HOMER2: variants seen among roughly 807,000 people sequenced by gnomAD.
HOMER2 encodes homer scaffold protein 2.
A neutral mutation model predicts 47.0 loss-of-function variants in HOMER2; 27 were observed. The ratio of observed to expected loss-of-function variants is 0.57; its 90% CI spans 0.42 to 0.79. The LOEUF (loss-of-function observed/expected upper bound fraction) is 0.79, where lower values mean the gene tolerates loss of function less well. Ranked by LOEUF, HOMER2 falls within the 30% of genes least tolerant of loss-of-function variation. HOMER2 has a pLI of 0.00. For synonymous variants in HOMER2, 161 were observed against 163.8 expected (o/e 0.98, Z 0.13); for missense variants, 443 against 435.0 (o/e 1.02, Z -0.16).
At chr15:82,899,172 T>C (rs748631764) in intron 1 of HOMER2, among the ~76,000 whole-genome samples, 15 of 152,262 alleles carry the variant, frequency 9.9e-5, no homozygotes, top group Non-Finnish European at 1.9e-4. Flanking sequence ...GAAGGGCTTC[T>C]GCTGCTTTCC....
At position 82,913,930 on chromosome 15, in the gene HOMER2, G is replaced by A. The variant is rs914225575; in HGVS notation, c.6-21089C>T. Among the ~76,000 whole-genome samples, 11 of 152,062 alleles carry A rather than the reference G, an allele frequency of 7.2e-5. No homozygotes were observed. The highest frequency in any genetic ancestry group is 1.6e-4 in the Non-Finnish European group (11 of 68,024). ...CCCAAACAGCTACTTGTATGCCCAG[G>A]TTCAAAGCAGCATTATTCACAACAG... On this transcript the variant is annotated intron_variant, in intron 1 of 8. Transcript: ENST00000450735. The surrounding 1 kb of genome is among the most constrained non-coding windows in gnomAD (Gnocchi z 4.1).
chr15:82,908,747 T>A (rs4842916), intron 1 of HOMER2, among the ~76,000 whole-genome samples: 85,798 of 148,496 alleles, frequency 0.58, 25,103 homozygotes, highest in East Asian at 0.79. Flanking sequence ...GCTTTTTTTT[T>A]AAAAAAAAAA....
chr15:82,865,786 TG>T (rs2062236536), intron 3 of HOMER2, among the ~76,000 whole-genome samples: 1 of 152,208 alleles, frequency 6.6e-6, no homozygotes, highest in Non-Finnish European at 1.5e-5. Flanking sequence ...CCCAAAGCCT[TG>T]GCAGCTTCCA....
At chr15:82,851,322 A>G (rs2051387593) in intron 7 of HOMER2, 91 bp from the exon 8 acceptor site, 11 of 854,394 alleles carry the variant, frequency 1.3e-5, no homozygotes, top group Non-Finnish European at 1.9e-5. Flanking sequence ...TCGTGGAAGC[A>G]GCTTTGGGAC....
intron 5 of HOMER2, among the ~76,000 whole-genome samples, chr15:82,855,093 T>C (rs1029171118): frequency 1.6e-4 from 24 of 151,888 alleles, no homozygotes; most frequent in African/African-American, 5.6e-4. Context: ...TCCTAACACT[T>C]TGGGAGGCCG....
chr15:82,948,170 T>C (rs1389032555), intron 1 of HOMER2, among the ~76,000 whole-genome samples: 1 of 151,784 alleles, frequency 6.6e-6, no homozygotes, highest in Non-Finnish European at 1.5e-5. Flanking sequence ...GGCAGGCGAA[T>C]CATGAGGTCA....
At chr15:82,858,308 A>C (rs563316983) in intron 5 of HOMER2, among the ~76,000 whole-genome samples, 2 of 150,354 alleles carry the variant, frequency 1.3e-5, no homozygotes, top group African/African-American at 4.9e-5. Flanking sequence ...CTTTTTTTTG[A>C]GACAAGAGTC....
At chr15:82,850,822 G>A (rs1487909279) in intron 8 of HOMER2, among the ~76,000 whole-genome samples, 1 of 152,170 alleles carries the variant, frequency 6.6e-6, no homozygotes, top group South Asian at 2.1e-4. Flanking sequence ...GGCTGAAGTG[G>A]CCCCACACCC....
chr15:82,917,938 T>C (rs576406318), intron 1 of HOMER2, among the ~76,000 whole-genome samples: 14 of 152,134 alleles, frequency 9.2e-5, no homozygotes, highest in African/African-American at 2.2e-4. Flanking sequence ...CAAATCCTTA[T>C]AGTTTAGGGG....
At chr15:82,934,109 G>C (rs1460986909) in intron 1 of HOMER2, among the ~76,000 whole-genome samples, 1 of 152,052 alleles carries the variant, frequency 6.6e-6, no homozygotes, top group Non-Finnish European at 1.5e-5. Context: ...GAGTCCCTGA[G>C]AGCAACACTC....
chr15:82,854,932 G>T, intron 5 of HOMER2, 132 bp from the exon 6 acceptor site: 2 of 1,051,752 alleles, frequency 1.9e-6, no homozygotes, highest in Non-Finnish European at 1.4e-6. Context: ...ACAGTAAGCT[G>T]GCAGGTGGGT....
intron 3 of HOMER2, among the ~76,000 whole-genome samples, chr15:82,864,969 C>T (rs1201879779): frequency 6.6e-6 from 1 of 152,210 alleles, no homozygotes. Context: ...CAAAAACTAG[C>T]AAGTTGCAAG....
At chr15:82,870,034 T>A (rs2052125896) in intron 3 of HOMER2, among the ~76,000 whole-genome samples, 1 of 152,240 alleles carries the variant, frequency 6.6e-6, no homozygotes, top group Non-Finnish European at 1.5e-5. Flanking sequence ...TTGGTACTTA[T>A]TAAAATTGTG....
intron 1 of HOMER2, among the ~76,000 whole-genome samples, chr15:82,972,250 A>C (rs926733386): frequency 6.6e-6 from 1 of 152,144 alleles, no homozygotes; most frequent in African/African-American, 2.4e-5. Context: ...TCTCTATCAG[A>C]GCTTCTTTTT....
chr15:82,873,157 G>T (rs958839748), intron 3 of HOMER2, among the ~76,000 whole-genome samples: 1 of 152,056 alleles, frequency 6.6e-6, no homozygotes, highest in Non-Finnish European at 1.5e-5. Flanking sequence ...CCTGACTCCC[G>T]GCCCTGCTGA....
intron 1 of HOMER2, among the ~76,000 whole-genome samples, chr15:82,951,766 C>T (rs1489364154): frequency 6.6e-6 from 1 of 152,246 alleles, no homozygotes; most frequent in African/African-American, 2.4e-5. Context: ...GTAAAGTGGA[C>T]ATAAGTGTCC....
At chr15:82,980,511 G>A (rs1027797581) in intron 1 of HOMER2, among the ~76,000 whole-genome samples, 12 of 152,254 alleles carry the variant, frequency 7.9e-5, no homozygotes, top group African/African-American at 2.9e-4. Flanking sequence ...TCTTTCCCAT[G>A]TGGCTCTGCG....
exon 2 of HOMER2, chr15:82,842,461 A>ATTTTTTTTTTTTTTTTT (rs372884842): frequency 1.8e-5 from 2 of 112,792 alleles, no homozygotes; most frequent in African/African-American, 3.4e-5. Context: ...CAGCCAGCTA[A>ATTTTTTTTTTTTTTTTT]TTTTTTTTTT....
intron 4 of HOMER2, among the ~76,000 whole-genome samples, chr15:82,862,366 G>T (rs980406982): frequency 6.6e-6 from 1 of 152,076 alleles, no homozygotes; most frequent in Non-Finnish European, 1.5e-5. Context: ...CTTAGCTTAT[G>T]CCTGTAATCC....
Sources: allele counts gnomAD v4.1 joint callset (sites outside exome capture counted in the v4.1 genomes callset), GRCh38; gene constraint gnomAD v4.1.1; non-coding constraint Gnocchi (gnomAD v3.1); transcripts MANE v1.5; gene names NCBI Gene and HGNC (gene_info 2026-07-23, HGNC 2026-07-21).